Variants in TMBIM6 observed in about 807,000 individuals in gnomAD.
The protein encoded by TMBIM6 is transmembrane BAX inhibitor motif containing 6, also known as bax inhibitor 1.
A neutral mutation model predicts 31.4 loss-of-function variants in TMBIM6; 13 were observed. The ratio of observed to expected loss-of-function variants is 0.41; its 90% CI spans 0.27 to 0.66. The LOEUF is 0.66. Ranked by LOEUF, TMBIM6 falls within the 30% of genes least tolerant of loss-of-function variation. The pLI is 0.28. For synonymous variants in TMBIM6, 85 were observed against 101.7 expected (o/e 0.84, Z 0.99); for missense variants, 275 against 289.5 (o/e 0.95, Z 0.36).
At chr12:49,759,174 C>G (rs781451200) in intron 7 of TMBIM6, 47 bp from the exon 8 acceptor site, 1 of 1,487,952 alleles carries the variant, frequency 6.7e-7, no homozygotes, top group East Asian at 2.3e-5. Flanking sequence ...GTTTTTTTTT[C>G]TCTGCAACTT....
Position 49,762,902 on chromosome 12 carries a change from C to T in TMBIM6, c.*6C>T. On this transcript the variant is annotated 3_prime_UTR_variant, in exon 10 of 10. Transcript: ENST00000267115. ...AGAAGAAAGAGAAGAAATGAAGTGA[C>T]CATCCAGCCTTTCCCAATTAGACTT... 6.2e-7 allele frequency: 1 copy of T among 1,612,390 alleles called. No homozygotes were observed. Among genetic ancestry groups the T allele is most frequent in the Non-Finnish European group, 8.5e-7 (1 of 1,178,616 alleles).
At position 49,752,486 on chromosome 12, in the gene TMBIM6, C is replaced by A; in HGVS notation, c.-8C>A. The stretch of plus-strand genomic sequence containing the variant: ...CAGAGTGGAGACTGCTGCACGGACT[C>A]TGGAACCATGAACATATTTGATCGA... On this transcript the variant is annotated 5_prime_UTR_variant, in exon 2 of 10. In the 5' UTR this introduces an upstream ATG that the reference lacks. Coordinates refer to ENST00000267115, the MANE Select transcript of TMBIM6 (RefSeq NM_003217.3). 1 of 1,613,234 alleles carries A rather than the reference C, an allele frequency of 6.2e-7. No individual in the cohort carries two copies. The highest frequency in any genetic ancestry group is 8.5e-7 in the Non-Finnish European group (1 of 1,179,894).
chr12:49,758,126 T>C (rs1214423322), intron 4 of TMBIM6, 101 bp from the exon 5 acceptor site: 1 of 1,288,030 alleles, frequency 7.8e-7, no homozygotes, highest in African/African-American at 1.5e-5. Flanking sequence ...TCCACGTTTG[T>C]TAAGAGCATG....
chr12:49,756,440 CTT>C (rs1194535783), intron 4 of TMBIM6, among the ~76,000 whole-genome samples: 146 of 105,776 alleles, frequency 1.4e-3, no homozygotes, highest in South Asian at 8.7e-3. Flanking sequence ...TGCCTCCTGG[CTT>C]TTTTTTTTTT....
chr12:49,748,564 A>G (rs145014064), intron 1 of TMBIM6, among the ~76,000 whole-genome samples: 1 of 152,366 alleles, frequency 6.6e-6, no homozygotes, highest in Non-Finnish European at 1.5e-5. Flanking sequence ...CAGTATGTGC[A>G]TGACATGTTG....
chr12:49,745,872 C>T (rs1453427193), intron 1 of TMBIM6, among the ~76,000 whole-genome samples: 3 of 152,064 alleles, frequency 2.0e-5, no homozygotes, highest in Non-Finnish European at 4.4e-5. Flanking sequence ...CTAATGTAAG[C>T]GTTCTGGGCA....
At chr12:49,758,624 T>A (rs1285701622) in intron 6 of TMBIM6, 59 bp from the exon 7 acceptor site, 1 of 1,588,952 alleles carries the variant, frequency 6.3e-7, no homozygotes, top group Admixed American at 1.7e-5. Flanking sequence ...ATGGCTTTAA[T>A]GGGATTGCTT....
intron 1 of TMBIM6, among the ~76,000 whole-genome samples, chr12:49,747,267 A>G (rs1945412444): frequency 6.6e-6 from 1 of 152,006 alleles, no homozygotes; most frequent in East Asian, 1.9e-4. Context: ...TAATTGACAA[A>G]CTAATTTTTT....
At position 49,758,972 on chromosome 12, in the gene TMBIM6, C is replaced by T; in HGVS notation, c.513+210C>T. ...TAAGAGAAAATGGTTTGCTCAGACA[C>T]CATTTGTGTAAGGCCAGTCTGGCAG... is the stretch of plus-strand genomic sequence containing the variant. On this transcript the variant is annotated intron_variant, in intron 7 of 9. Transcript: ENST00000267115. 5 of 634,764 alleles carry T rather than the reference C, an allele frequency of 7.9e-6. No homozygotes were observed. In the South Asian group the frequency reaches 1.0e-4, roughly 13 times the overall value. The allele number at this position is 634,764 out of a possible 1,614,324, so 39.3% of individuals were successfully genotyped here.
At chr12:49,758,060 G>T in intron 4 of TMBIM6, 167 bp from the exon 5 acceptor site, 1 of 737,972 alleles carries the variant, frequency 1.4e-6, no homozygotes, top group Non-Finnish European at 2.2e-6. Flanking sequence ...ACGCAGTCAG[G>T]TATACATTTT....
At chr12:49,745,169 C>G (rs1945367652) in intron 1 of TMBIM6, among the ~76,000 whole-genome samples, 1 of 152,152 alleles carries the variant, frequency 6.6e-6, no homozygotes, top group African/African-American at 2.4e-5. Flanking sequence ...CTGAACTGAC[C>G]TACCTCCTGG....
rs199748377 is a variant in TMBIM6, at chr12:49,755,760, G to T, written c.286+5G>T. 1.2e-6 allele frequency: 2 copies of T among 1,611,658 alleles called. No individual in the cohort carries two copies. Among genetic ancestry groups the T allele is most frequent in the African/African-American group, 2.7e-5 (2 of 74,704 alleles). On this transcript the variant is annotated splice_donor_5th_base_variant and intron_variant, in intron 4 of 9. Coordinates refer to ENST00000267115, the MANE Select transcript of TMBIM6 (RefSeq NM_003217.3). ...CTGGATTTGCATTCCTTACAGGTACGTTAAGGGATTTGTCTAATTTTGAGG... is the reference window on the plus strand; with the variant it reads ...CTGGATTTGCATTCCTTACAGGTACTTTAAGGGATTTGTCTAATTTTGAGG...
rs113280849 is a variant in TMBIM6, at chr12:49,762,919, A to G, written c.*23A>G. 2.5e-4 allele frequency: 408 copies of G among 1,610,404 alleles called. No individual in the cohort carries two copies. The highest frequency in any genetic ancestry group is 3.1e-4 in the Non-Finnish European group (364 of 1,176,996). On this transcript the variant is annotated 3_prime_UTR_variant, in exon 10 of 10. Transcript: ENST00000267115. The stretch of plus-strand genomic sequence containing the variant: ...TGAAGTGACCATCCAGCCTTTCCCA[A>G]TTAGACTTCCTCTCCTTCCACCCCT...
chr12:49,755,167 G>A (rs1034528220), intron 3 of TMBIM6, among the ~76,000 whole-genome samples: 1 of 151,858 alleles, frequency 6.6e-6, no homozygotes. Context: ...ATGTTGGTCA[G>A]GCTGGTCTCG....
At chr12:49,748,131 T>G (rs1370830791) in intron 1 of TMBIM6, among the ~76,000 whole-genome samples, 5 of 152,116 alleles carry the variant, frequency 3.3e-5, no homozygotes, top group African/African-American at 1.2e-4. Flanking sequence ...CTCCAACTCC[T>G]GACCTCATGA....
chr12:49,752,491 A>G lies in TMBIM6; in HGVS notation c.-3A>G, dbSNP rs1260646718. The G allele has an allele frequency of 1.2e-6, 2 of 1,613,534 alleles. No homozygotes were observed. Among genetic ancestry groups the G allele is most frequent in the African/African-American group, 2.7e-5 (2 of 74,858 alleles). ...TGGAGACTGCTGCACGGACTCTGGA[A>G]CCATGAACATATTTGATCGAAAGAT... On this transcript the variant is annotated 5_prime_UTR_variant, in exon 2 of 10. Transcript: ENST00000267115.
At chr12:49,757,354 T>C (rs928597242) in intron 4 of TMBIM6, among the ~76,000 whole-genome samples, 2 of 152,206 alleles carry the variant, frequency 1.3e-5, no homozygotes, top group African/African-American at 4.8e-5. Context: ...TTTAATAAAC[T>C]AGACTTGAGA....
chr12:49,761,001 G>A (rs7298080), intron 8 of TMBIM6, among the ~76,000 whole-genome samples: 18,034 of 151,576 alleles, frequency 0.12, 1,641 homozygotes, highest in African/African-American at 0.26. Context: ...CACCATGCCC[G>A]GCTAATTTTG....
chr12:49,761,275 C>G (rs1471580196), intron 8 of TMBIM6, among the ~76,000 whole-genome samples: 13 of 152,082 alleles, frequency 8.5e-5, no homozygotes, highest in Admixed American at 8.5e-4. Context: ...GAGAGTGGCA[C>G]TGTCATGGCT....
Sources: gnomAD v4.1 joint callset for allele counts (sites outside exome capture counted in the v4.1 genomes callset) on GRCh38, gnomAD v4.1.1 for gene constraint, MANE v1.5 for transcripts, NCBI Gene and HGNC (gene_info 2026-07-23, HGNC 2026-07-21) for gene names.